The following CASR variants were observed in gnomAD, a reference collection of about 807,000 sequenced individuals.
CASR encodes the protein extracellular calcium-sensing receptor.
CASR carries 23 observed loss-of-function variants against 69.1 expected under a neutral mutation model. The observed-to-expected ratio is 0.33, with a 90% CI of 0.24 to 0.47. The LOEUF (loss-of-function observed/expected upper bound fraction) is 0.47. Ranked by LOEUF, CASR falls within the 20% of genes least tolerant of loss-of-function variation. CASR has a pLI of 1.00. For synonymous variants in CASR, 541 were observed against 544.7 expected, an observed-to-expected ratio of 0.99 and a Z score of 0.10; for missense variants, 924 against 1,356.1, an observed-to-expected ratio of 0.68 and a Z score of 5.00.
At chr3:122,225,614 C>T (rs952709932) in intron 1 of CASR, among the ~76,000 whole-genome samples, 19 of 150,206 alleles carry the variant, frequency 1.3e-4, no homozygotes, top group South Asian at 2.1e-4. Flanking sequence ...AACACTTATG[C>T]GCTGTTGGTG....
chr3:122,201,053 GA>G (rs2073945552), intron 1 of CASR, among the ~76,000 whole-genome samples: 1 of 147,694 alleles, frequency 6.8e-6, no homozygotes, highest in Admixed American at 6.8e-5. Context: ...CGCAGAGGGG[GA>G]TTTGGCAGGG....
Position 122,193,074 on chromosome 3 carries a change from CCTT to C in CASR, c.-243+9266_-243+9268del, listed in dbSNP as rs1351246543. Among the ~76,000 whole-genome samples, 7 of 152,274 alleles carry C rather than the reference CCTT, an allele frequency of 4.6e-5. No homozygotes were observed. In the South Asian group the frequency reaches 6.2e-4, roughly 14 times the overall value. On this transcript the variant is annotated intron_variant, in intron 1 of 6. Coordinates refer to ENST00000639785, the MANE Select transcript of CASR (RefSeq NM_000388.4). ...GCAGGTAGCCTCACTCTAATCCACT[CCTT>C]CTTTAATTTTCATCACCCCTCACAT...
rs1347520625 is a variant in CASR, at chr3:122,289,807, G to A, written c.*4616G>A. ...ATCAACAGCTGAGGCCAGATGCAGA[G>A]GCTCATGCCTGCAATCCCAGCACTT... On this transcript the variant is annotated 3_prime_UTR_variant, in exon 7 of 7. Transcript: ENST00000639785. 1 of 152,550 alleles carries A rather than the reference G, an allele frequency of 6.6e-6. No individual in the cohort carries two copies. Among genetic ancestry groups the A allele is most frequent in the African/African-American group, 2.4e-5 (1 of 41,444 alleles). The allele number at this position is 152,550 out of a possible 1,614,324, so 9.4% of individuals were successfully genotyped here.
intron 1 of CASR, among the ~76,000 whole-genome samples, chr3:122,204,205 A>T (rs1418625307): frequency 6.6e-6 from 1 of 152,136 alleles, no homozygotes; most frequent in African/African-American, 2.4e-5. Context: ...TATTTTATCA[A>T]ACCTTGTATT....
chr3:122,229,497 T>G (rs541345964), intron 1 of CASR, among the ~76,000 whole-genome samples: 1 of 151,934 alleles, frequency 6.6e-6, no homozygotes. Flanking sequence ...TATCTTAATG[T>G]TCCAATAAAA....
At chr3:122,252,538 G>C (rs2074509354) in intron 1 of CASR, among the ~76,000 whole-genome samples, 1 of 149,474 alleles carries the variant, frequency 6.7e-6, no homozygotes, top group East Asian at 2.0e-4. Context: ...GGGAGGGGAG[G>C]GGAGAGGGAC....
intron 1 of CASR, among the ~76,000 whole-genome samples, chr3:122,208,752 T>C (rs1374464721): frequency 6.6e-6 from 1 of 152,212 alleles, no homozygotes; most frequent in East Asian, 1.9e-4. Flanking sequence ...GTGGAAAGCA[T>C]GTCTGGCTTC....
At chr3:122,186,376 G>C (rs184753523) in intron 1 of CASR, among the ~76,000 whole-genome samples, 3 of 152,332 alleles carry the variant, frequency 2.0e-5, no homozygotes, top group Non-Finnish European at 2.9e-5. Flanking sequence ...TAGGGTAGGG[G>C]TATAATGAAG....
At position 122,286,505 on chromosome 3, in the gene CASR, T is replaced by C. The variant is rs200198104; in HGVS notation, c.*1314T>C. ...TATTAGTTAATATTATTACTGATAC[T>C]GTAATAATTATTTTTTCCCTTACTT... On this transcript the variant is annotated 3_prime_UTR_variant, in exon 7 of 7. Transcript: ENST00000639785. The C allele has an allele frequency of 6.6e-6, 1 of 152,382 alleles. No homozygotes were observed. The highest frequency in any genetic ancestry group is 3.4e-3 in the Middle Eastern group (1 of 294). 9.4% of individuals were successfully genotyped at this position (152,382 alleles called of 1,614,324 possible). A position where few individuals can be genotyped will look rare whatever the true frequency, so the allele number is the denominator to read the frequency against.
intron 3 of CASR, chr3:122,257,600 C>A (rs1189439325): frequency 1.3e-5 from 7 of 526,092 alleles, no homozygotes; most frequent in Non-Finnish European, 2.0e-5. Context: ...TTCCAAAATT[C>A]TTTTAAATGT....
chr3:122,261,954 A>G lies in CASR; in HGVS notation c.919A>G (p.Met307Val). ...CTGGGCCAGCTCCTCCCTGATCGCCATGCCTCAGTACTTCCACGTGGTTGG... is the reference window on the plus strand; with the variant it reads ...CTGGGCCAGCTCCTCCCTGATCGCCGTGCCTCAGTACTTCCACGTGGTTGG... ...EAWASSSLIA[M>V]PQYFHVVGGT... The change falls in exon 4 of 7, where the codon ATG (methionine) becomes GTG (valine). Residue 307 changes from methionine to valine, a missense_variant. By Grantham distance (21) the Met-to-Val change is conservative. Around this residue, in one of 8 missense-constraint regions of CASR, gnomAD observed 310 missense variants for 395.7 expected, o/e 0.78. Transcript: ENST00000639785. 1 of 1,614,128 alleles carries G rather than the reference A, an allele frequency of 6.2e-7. No homozygotes were observed.
chr3:122,260,730 A>G (rs2107630959), intron 3 of CASR, among the ~76,000 whole-genome samples: 1 of 152,220 alleles, frequency 6.6e-6, no homozygotes, highest in East Asian at 1.9e-4. Context: ...AAATCAATCC[A>G]ACAATAGTGG....
intron 3 of CASR, among the ~76,000 whole-genome samples, chr3:122,260,978 G>C (rs2074614768): frequency 6.6e-6 from 1 of 152,216 alleles, no homozygotes; most frequent in East Asian, 1.9e-4. Flanking sequence ...ATAAGAAAAG[G>C]GAATTCCCGG....
rs1281272520 is a variant in CASR, at chr3:122,252,362, A to AGAAAGAAGGAAGGAAGGAAG, written c.-242-1583_-242-1582insAGAAGGAAGGAAGGAAGGAA. Among the ~76,000 whole-genome samples, 10 of 26,258 alleles carry AGAAAGAAGGAAGGAAGGAAG rather than the reference A, an allele frequency of 3.8e-4. No individual in the cohort carries two copies. In the East Asian group the frequency reaches 9.6e-3, roughly 25 times the overall value. The allele number at this position is 26,258 out of a possible 152,430, so 17.2% of individuals were successfully genotyped here. ...AAAGAAAGAAGAAAGAAAGAAAGAA[A>AGAAAGAAGGAAGGAAGGAAG]GAAGGAAGGAAGGAAGGAAGGAAGG... On this transcript the variant is annotated intron_variant, in intron 1 of 6. Transcript: ENST00000639785.
At chr3:122,224,723 C>A (rs1048053219) in intron 1 of CASR, among the ~76,000 whole-genome samples, 4 of 152,120 alleles carry the variant, frequency 2.6e-5, no homozygotes, top group African/African-American at 9.7e-5. Flanking sequence ...AAAAAAGACC[C>A]TGAATAGCCA....
intron 1 of CASR, among the ~76,000 whole-genome samples, chr3:122,185,258 A>G (rs1329536059): frequency 2.6e-5 from 4 of 152,130 alleles, no homozygotes; most frequent in African/African-American, 9.7e-5. Context: ...TTCTACACCC[A>G]TAGCCTTTCC....
At position 122,283,878 on chromosome 3, in the gene CASR, A is replaced by G. The variant is rs894717560; in HGVS notation, c.1924A>G (p.Ile642Val). ...GVFIKFRNTP[I>V]VKATNRELSY... ...GTTTATCAAGTTCCGCAACACACCCATTGTCAAGGCCACCAACCGAGAGCT... is the reference window on the plus strand; with the variant it reads ...GTTTATCAAGTTCCGCAACACACCCGTTGTCAAGGCCACCAACCGAGAGCT... The change falls in exon 7 of 7, where the codon ATT (isoleucine) becomes GTT (valine). Residue 642 changes from isoleucine (I) to valine (V), a missense_variant. Coordinates refer to ENST00000639785, the MANE Select transcript of CASR (RefSeq NM_000388.4). 6.2e-7 allele frequency: 1 copy of G among 1,613,538 alleles called. No homozygotes were observed. The highest frequency in any genetic ancestry group is 1.3e-5 in the African/African-American group (1 of 74,826).
At chr3:122,192,928 A>G (rs185468602) in intron 1 of CASR, among the ~76,000 whole-genome samples, 1 of 152,326 alleles carries the variant, frequency 6.6e-6, no homozygotes, top group East Asian at 1.9e-4. Context: ...GCAAAAATGA[A>G]CACACATAGC....
chr3:122,204,435 A>C (rs1311728807), intron 1 of CASR, among the ~76,000 whole-genome samples: 2 of 152,178 alleles, frequency 1.3e-5, no homozygotes, highest in Non-Finnish European at 2.9e-5. Context: ...GTTGAATAAT[A>C]TTCCATTGCG....
Sources: gnomAD v4.1 joint callset for allele counts (sites outside exome capture counted in the v4.1 genomes callset) on GRCh38, gnomAD v4.1.1 for gene constraint, gnomAD v4.1.1 regional missense constraint, MANE v1.5 for transcripts, NCBI Gene and HGNC (gene_info 2026-07-23, HGNC 2026-07-21) for gene names.